The following RBFOX1 variants were observed in gnomAD, a reference collection of about 807,000 sequenced individuals.
RBFOX1 encodes the protein RNA binding fox-1 homolog 1, also known as RNA binding protein fox-1 homolog 1.
Under a neutral mutation model 57.7 loss-of-function variants are expected in RBFOX1, and 8 were observed. That is an observed-to-expected ratio of 0.14 (90% CI 0.08 to 0.25). The LOEUF (loss-of-function observed/expected upper bound fraction) is 0.25. Ranked by LOEUF, RBFOX1 falls within the 10% of genes least tolerant of loss-of-function variation. The pLI is 1.00. For missense variants in RBFOX1, 611 were observed against 548.5 expected, an observed-to-expected ratio of 1.11 and a Z score of -1.14; for synonymous variants, 326 against 222.4, an observed-to-expected ratio of 1.47 and a Z score of -4.15.
chr16:5,670,110 A>G (rs1005265171), intron 3 of RBFOX1, among the ~76,000 whole-genome samples: 1 of 151,818 alleles, frequency 6.6e-6, no homozygotes, highest in Non-Finnish European at 1.5e-5. Context: ...GATTCCATTT[A>G]CCTGAAGTGT....
chr16:7,433,382 C>A (rs2098697434), intron 4 of RBFOX1, among the ~76,000 whole-genome samples: 1 of 152,204 alleles, frequency 6.6e-6, no homozygotes. Flanking sequence ...CTCCCCACGT[C>A]ATCATAGAGA....
At chr16:5,580,612 A>G (rs1012127253) in intron 2 of RBFOX1, among the ~76,000 whole-genome samples, 3 of 152,180 alleles carry the variant, frequency 2.0e-5, no homozygotes, top group Admixed American at 6.5e-5. Context: ...TCAGCCTTCA[A>G]ACATCTGCTT....
At chr16:6,969,368 A>T (rs139431077) in intron 3 of RBFOX1, among the ~76,000 whole-genome samples, 2 of 151,908 alleles carry the variant, frequency 1.3e-5, no homozygotes, top group Non-Finnish European at 2.9e-5. Flanking sequence ...TCCATATTTA[A>T]CTTAAAAATT....
At chr16:7,517,137 CCGTG>C (rs1237547081) in intron 4 of RBFOX1, among the ~76,000 whole-genome samples, 1 of 93,896 alleles carries the variant, frequency 1.1e-5, no homozygotes, top group South Asian at 4.6e-4. Context: ...ATTTCTTATG[CCGTG>C]TGTGTGTGTG....
chr16:7,706,461 G>C (rs925584941), intron 14 of RBFOX1, among the ~76,000 whole-genome samples: 4 of 152,196 alleles, frequency 2.6e-5, no homozygotes, highest in African/African-American at 9.7e-5. Context: ...ATTTACCACT[G>C]AAGTATGCAG....
At chr16:6,665,419 G>C (rs2098725767) in intron 3 of RBFOX1, among the ~76,000 whole-genome samples, 1 of 152,150 alleles carries the variant, frequency 6.6e-6, no homozygotes, top group South Asian at 2.1e-4. Context: ...TTGGAGACCA[G>C]CCAGGACAAC....
chr16:7,163,429 G>C (rs952371547), intron 4 of RBFOX1, among the ~76,000 whole-genome samples: 2 of 152,080 alleles, frequency 1.3e-5, no homozygotes, highest in African/African-American at 4.8e-5. Context: ...GGCTGGTCTG[G>C]TGACGTTTTG....
At chr16:7,569,957 G>T (rs2092602368) in intron 5 of RBFOX1, among the ~76,000 whole-genome samples, 1 of 151,990 alleles carries the variant, frequency 6.6e-6, no homozygotes, top group Admixed American at 6.6e-5. Context: ...TTTGTTTGGG[G>T]GATCCTTCAC....
At chr16:6,579,624 TAGA>T (rs2097504059) in intron 2 of RBFOX1, among the ~76,000 whole-genome samples, 1 of 152,202 alleles carries the variant, frequency 6.6e-6, no homozygotes, top group African/African-American at 2.4e-5. Context: ...CCGCCACGAT[TAGA>T]AGTGTTCTGA....
intron 3 of RBFOX1, among the ~76,000 whole-genome samples, chr16:6,697,680 C>T (rs951499154): frequency 6.6e-6 from 1 of 152,110 alleles, no homozygotes; most frequent in Admixed American, 6.6e-5. Context: ...GAAGAAAACC[C>T]CATGGCGAAC....
Position 6,902,804 on chromosome 16 carries a change from C to T in RBFOX1, c.-15-149253C>T, listed in dbSNP as rs767190034. 1.8e-4 allele frequency among the ~76,000 whole-genome samples: 28 copies of T among 152,258 alleles called. 1 individual carries two copies. Among genetic ancestry groups the T allele is most frequent in the African/African-American group, 6.0e-4 (25 of 41,548 alleles). On this transcript the variant is annotated intron_variant, in intron 3 of 15. Coordinates refer to ENST00000550418, the MANE Select transcript of RBFOX1 (RefSeq NM_018723.4). ...ATCATGTCATCAGAACCAAATAAAGCTTTAACATTATCCATGATTGTACAC... is the reference window on the plus strand; with the variant it reads ...ATCATGTCATCAGAACCAAATAAAGTTTTAACATTATCCATGATTGTACAC...
intron 4 of RBFOX1, among the ~76,000 whole-genome samples, chr16:7,307,441 T>C (rs1317109813): frequency 1.3e-5 from 2 of 152,210 alleles, no homozygotes; most frequent in African/African-American, 2.4e-5. Context: ...TGGCAACATA[T>C]CACTTTTGCC....
intron 2 of RBFOX1, among the ~76,000 whole-genome samples, chr16:6,446,360 T>C (rs949897336): frequency 2.0e-5 from 3 of 152,152 alleles, no homozygotes; most frequent in African/African-American, 7.2e-5. Flanking sequence ...AGTTTTAAGA[T>C]TCCCATTGCA....
chr16:7,028,536 G>A (rs1488241802), intron 3 of RBFOX1, among the ~76,000 whole-genome samples: 1 of 137,916 alleles, frequency 7.3e-6, no homozygotes, highest in African/African-American at 2.7e-5. Flanking sequence ...GCAGTGAGCT[G>A]AGGTTGAAGC....
chr16:7,467,028 C>G (rs2060647445), intron 4 of RBFOX1, among the ~76,000 whole-genome samples: 1 of 152,178 alleles, frequency 6.6e-6, no homozygotes, highest in Non-Finnish European at 1.5e-5. Flanking sequence ...AGATATGTCT[C>G]TTATCTCTAT....
chr16:5,780,064 C>T (rs185977497), intron 3 of RBFOX1, among the ~76,000 whole-genome samples: 1 of 152,304 alleles, frequency 6.6e-6, no homozygotes, highest in Admixed American at 6.5e-5. Flanking sequence ...AGTGTAGTGG[C>T]ACAATCTCGG....
At position 6,565,261 on chromosome 16, in the gene RBFOX1, C is replaced by CTTT. The variant is rs71145253; in HGVS notation, c.-63-89335_-63-89333dup. ...GTGAAATGACTTTTTCTTTTCTTTT[C>CTTT]TTTTTTTTTGTCTGAGACAGAGTCT... is the stretch of plus-strand genomic sequence containing the variant. On this transcript the variant is annotated intron_variant, in intron 2 of 15. Coordinates refer to ENST00000550418, the MANE Select transcript of RBFOX1 (RefSeq NM_018723.4). Among the ~76,000 whole-genome samples, 127 of 147,678 alleles carry CTTT rather than the reference C, an allele frequency of 8.6e-4. 1 individual carries two copies. The highest frequency in any genetic ancestry group is 1.0e-3 in the East Asian group (5 of 4,992).
chr16:5,434,604 C>A (rs548170613), intron 1 of RBFOX1, among the ~76,000 whole-genome samples: 16 of 152,218 alleles, frequency 1.1e-4, no homozygotes, highest in African/African-American at 3.9e-4. Flanking sequence ...CAGGCAAGAG[C>A]CACCATGCCC....
chr16:6,484,449 G>T (rs1000752670), intron 2 of RBFOX1, among the ~76,000 whole-genome samples: 2 of 151,760 alleles, frequency 1.3e-5, no homozygotes, highest in African/African-American at 2.4e-5. Context: ...AATAAGCTCT[G>T]TACCATTTTA....
Sources: allele counts gnomAD v4.1 joint callset (sites outside exome capture counted in the v4.1 genomes callset), GRCh38; gene constraint gnomAD v4.1.1; transcripts MANE v1.5; gene names NCBI Gene and HGNC (gene_info 2026-07-23, HGNC 2026-07-21).